BCL11A: variants seen among roughly 807,000 people sequenced by gnomAD.
BCL11A encodes the protein BCL11 transcription factor A, also known as B cell CLL/lymphoma 11A.
A neutral mutation model predicts 55.9 loss-of-function variants in BCL11A; 2 were observed. The ratio of observed to expected loss-of-function variants is 0.04; its 90% confidence interval spans 0.01 to 0.11. The LOEUF (loss-of-function observed/expected upper bound fraction) is 0.11. Among genes scored for constraint, BCL11A ranks in the 10% least tolerant of loss-of-function variants. The pLI is 1.00. For synonymous variants in BCL11A, 465 were observed against 473.4 expected (o/e 0.98, Z 0.23); for missense variants, 817 against 1,137.1 (o/e 0.72, Z 4.05).
chr2:60,504,501 T>C (rs1014441803), intron 2 of BCL11A, among the ~76,000 whole-genome samples: 1 of 152,190 alleles, frequency 6.6e-6, no homozygotes, highest in African/African-American at 2.4e-5. Context: ...TGTAAATTTA[T>C]ACCAATGTTC....
chr2:60,521,974 T>C (rs76674), intron 2 of BCL11A: 102,822 of 152,252 alleles, frequency 0.68, 35,019 homozygotes, highest in South Asian at 0.78. Flanking sequence ...ACTTCCCAGA[T>C]ACAAGACTTG....
intron 2 of BCL11A, chr2:60,538,420 C>G (rs1489604740): frequency 2.6e-5 from 4 of 152,218 alleles, no homozygotes; most frequent in East Asian, 1.9e-4. Context: ...CACTTCAGTT[C>G]CCTGTCTGCA....
At chr2:60,551,404 C>T (rs897933541) in intron 1 of BCL11A, among the ~76,000 whole-genome samples, 5 of 152,232 alleles carry the variant, frequency 3.3e-5, no homozygotes, top group African/African-American at 9.6e-5. Context: ...CTCAAACACA[C>T]TTCTCCCCTG....
Position 60,459,405 on chromosome 2 carries a change from G to A in BCL11A, c.*999C>T, listed in dbSNP as rs1676109478. ...CATTGTTTAAAAAAAATAAAACTTTGGGCAAAACAGCCCATTTCTTTTAAG... is the reference window on the plus strand; with the variant it reads ...CATTGTTTAAAAAAAATAAAACTTTAGGCAAAACAGCCCATTTCTTTTAAG... On this transcript the variant is annotated 3_prime_UTR_variant, in exon 4 of 4. Transcript: ENST00000642384. The A allele has an allele frequency of 9.8e-7, 1 of 1,021,070 alleles. No homozygotes were observed. The highest frequency in any genetic ancestry group is 1.7e-5 in the African/African-American group (1 of 58,520). The allele number at this position is 1,021,070 out of a possible 1,614,324, so 63.3% of individuals were successfully genotyped here.
chr2:60,541,949 C>A, intron 2 of BCL11A: 1 of 694,850 alleles, frequency 1.4e-6, no homozygotes, highest in South Asian at 1.6e-5. Context: ...AGAATGGATA[C>A]AAAAAGAAAA....
chr2:60,461,331 G>T lies in BCL11A; in HGVS notation c.1581C>A (p.Asn527Lys). The change falls in exon 4 of 4, where the codon AAC becomes AAA. Residue 527 changes from asparagine (N) to lysine (K), a missense_variant. Asn to Lys is a moderately conservative substitution (Grantham distance 94, BLOSUM62 0). Around this residue, in one of 4 missense-constraint regions of BCL11A, gnomAD observed 379 missense variants for 425.3 expected, o/e 0.89. Transcript: ENST00000642384. Reference sequence around the variant, plus strand: ...CGCCCACGACCGCGCCCCGCGAGCTGTTCTCGTGGTGGCGCGCCGCCTCCA... The same window carrying T: ...CGCCCACGACCGCGCCCCGCGAGCTTTTCTCGTGGTGGCGCGCCGCCTCCA... ...LSLEAARHHE[N>K]SSRGAVVGVG... is the part of the protein sequence containing the mutation. The T allele has an allele frequency of 1.9e-6, 3 of 1,597,802 alleles. No individual in the cohort carries two copies. In the East Asian group the frequency reaches 6.7e-5, roughly 36 times the overall value.
intron 1 of BCL11A, among the ~76,000 whole-genome samples, chr2:60,550,371 G>A (rs1465714175): frequency 1.3e-5 from 2 of 152,184 alleles, no homozygotes; most frequent in Non-Finnish European, 2.9e-5. Flanking sequence ...ATGGGGGAGA[G>A]AAAGGGAATT....
chr2:60,460,832 TCTCCGAGGAGTG>T lies in BCL11A; in HGVS notation c.2068_2079del (p.His690_Glu693del). 6.2e-7 allele frequency: 1 copy of T among 1,612,668 alleles called. No individual in the cohort carries two copies. Among genetic ancestry groups the T allele is most frequent in the Non-Finnish European group, 8.5e-7 (1 of 1,179,932 alleles). ...GGTGTGGAGAAGCGCAAACTCCCGT[TCTCCGAGGAGTG>T]CTCCGACGAGGAGGCAAAAGGCGAT... On this transcript the variant is annotated inframe_deletion, in exon 4 of 4. Transcript: ENST00000642384.
intron 3 of BCL11A, among the ~76,000 whole-genome samples, chr2:60,467,915 G>A (rs1331671977): frequency 9.3e-5 from 12 of 128,406 alleles, no homozygotes; most frequent in South Asian, 4.8e-4. Context: ...AATGGTGGTG[G>A]TGGTGGTGGT....
At chr2:60,544,388 C>A (rs183843328) in intron 2 of BCL11A, 1 of 152,326 alleles carries the variant, frequency 6.6e-6, no homozygotes, top group Non-Finnish European at 1.5e-5. Context: ...ATTCCCACAT[C>A]CTGCTGGGGG....
At position 60,458,053 on chromosome 2, in the gene BCL11A, A is replaced by T; in HGVS notation, c.*2351T>A. 9.7e-7 allele frequency: 1 copy of T among 1,035,574 alleles called. No individual in the cohort carries two copies. Among genetic ancestry groups the T allele is most frequent in the Non-Finnish European group, 1.2e-6 (1 of 860,018 alleles). 64.1% of individuals were successfully genotyped at this position (1,035,574 alleles called of 1,614,324 possible). ...CCTGTCTTTTTTTTTTCCACTACCA[A>T]AAAAGGTACATTGATACCTTTTAAG... On this transcript the variant is annotated 3_prime_UTR_variant, in exon 4 of 4. Coordinates refer to ENST00000642384, the MANE Select transcript of BCL11A (RefSeq NM_022893.4).
chr2:60,538,778 T>C (rs1341597463), intron 2 of BCL11A, among the ~76,000 whole-genome samples: 2 of 150,086 alleles, frequency 1.3e-5, no homozygotes, highest in South Asian at 2.1e-4. Context: ...TGTGTGTGTG[T>C]GTGTGTAATG....
At chr2:60,467,096 ATGATGGTGGTGGTAG>A (rs1558618027) in intron 3 of BCL11A, among the ~76,000 whole-genome samples, 3 of 113,734 alleles carry the variant, frequency 2.6e-5, no homozygotes, top group African/African-American at 6.6e-5. Context: ...GGTGGTGGTG[ATGATGGTGGTGGTAG>A]TGGTGGTGGT....
chr2:60,494,450 T>C lies in BCL11A; in HGVS notation c.386-25617A>G, dbSNP rs1459999824. 3.3e-5 allele frequency among the ~76,000 whole-genome samples: 5 copies of C among 151,902 alleles called. No homozygotes were observed. The East Asian group carries it at 7.7e-4, about 23-fold the overall frequency. On this transcript the variant is annotated intron_variant, in intron 2 of 3. Transcript: ENST00000642384. ...TATGCAATTTTTGCCAAGATGGGAG[T>C]ATGGGGAGAGAAGAGTGGAAACGGC...
At chr2:60,468,028 G>GATGGTGGTA (rs1558620921) in intron 3 of BCL11A, among the ~76,000 whole-genome samples, 15 of 144,686 alleles carry the variant, frequency 1.0e-4, no homozygotes, top group South Asian at 4.4e-4. Flanking sequence ...TGGTGGTAGT[G>GATGGTGGTA]GTGGTGATGG....
Position 60,467,695 on chromosome 2 carries a change from G to A in BCL11A, c.487+1037C>T, listed in dbSNP as rs796344644. On this transcript the variant is annotated intron_variant, in intron 3 of 3. Coordinates refer to ENST00000642384, the MANE Select transcript of BCL11A (RefSeq NM_022893.4). The stretch of plus-strand genomic sequence containing the variant: ...TGGTGATGGTGATGGTGGTGGTGGT[G>A]GTGATGGTACTGGTGGTGATGGTAC... Among the ~76,000 whole-genome samples, 10 of 84,556 alleles carry A rather than the reference G, an allele frequency of 1.2e-4. 1 individual carries two copies. The highest frequency in any genetic ancestry group is 4.7e-4 in the South Asian group (1 of 2,122). 55.5% of individuals were successfully genotyped at this position (84,556 alleles called of 152,430 possible).
chr2:60,524,135 C>T (rs977948500), intron 2 of BCL11A, among the ~76,000 whole-genome samples: 1 of 152,172 alleles, frequency 6.6e-6, no homozygotes, highest in Non-Finnish European at 1.5e-5. Flanking sequence ...TAAATATAAT[C>T]TATATATCAC....
At chr2:60,517,283 A>T (rs751668472) in intron 2 of BCL11A, among the ~76,000 whole-genome samples, 9 of 152,310 alleles carry the variant, frequency 5.9e-5, no homozygotes, top group Middle Eastern at 3.4e-3. Context: ...TTATCTGAAT[A>T]AAAAAGCCAA....
intron 2 of BCL11A, chr2:60,533,276 A>G (rs1669536002): frequency 6.6e-6 from 1 of 152,214 alleles, no homozygotes; most frequent in Non-Finnish European, 1.5e-5. Flanking sequence ...AAGGCTTGTG[A>G]TGACTAAATT....
Sources: allele counts gnomAD v4.1 joint callset (sites outside exome capture counted in the v4.1 genomes callset), GRCh38; gene constraint gnomAD v4.1.1; regional missense constraint gnomAD v4.1.1; transcripts MANE v1.5; gene names NCBI Gene and HGNC (gene_info 2026-07-23, HGNC 2026-07-21).